The following PDZD8 variants were observed in gnomAD, a reference collection of about 807,000 sequenced individuals.
PDZD8 encodes the protein PDZ domain-containing protein 8.
A neutral mutation model predicts 85.8 loss-of-function variants in PDZD8; 14 were observed. The observed-to-expected ratio is 0.16, with a 90% CI of 0.11 to 0.26. The LOEUF (loss-of-function observed/expected upper bound fraction) is 0.26, where lower values mean the gene tolerates loss of function less well. Ranked by LOEUF, PDZD8 falls within the 10% of genes least tolerant of loss-of-function variation. PDZD8 has a pLI of 1.00. For missense variants in PDZD8, 1,197 were observed against 1,424.3 expected, an observed-to-expected ratio of 0.84 and a Z score of 2.57; for synonymous variants, 592 against 568.6, an observed-to-expected ratio of 1.04 and a Z score of -0.59.
intron 3 of PDZD8, among the ~76,000 whole-genome samples, chr10:117,290,864 C>CTTTTTTTTTTTTT (rs145614241): frequency 8.1e-6 from 1 of 123,566 alleles, no homozygotes; most frequent in Non-Finnish European, 1.6e-5. Context: ...ATGGTGTATC[C>CTTTTTTTTTTTTT]TTTTTTTTTT....
chr10:117,354,013 A>T (rs1844850996), intron 1 of PDZD8, among the ~76,000 whole-genome samples: 1 of 152,086 alleles, frequency 6.6e-6, no homozygotes, highest in Non-Finnish European at 1.5e-5. Flanking sequence ...GCTTTCTCTT[A>T]CTGGCACCAC....
chr10:117,294,276 A>G (rs984204227), intron 3 of PDZD8, among the ~76,000 whole-genome samples: 3 of 151,986 alleles, frequency 2.0e-5, no homozygotes, highest in African/African-American at 7.3e-5. Flanking sequence ...ACTGATCAAG[A>G]AACAAGAGAG....
chr10:117,363,812 T>C (rs1197923917), intron 1 of PDZD8, among the ~76,000 whole-genome samples: 1 of 152,168 alleles, frequency 6.6e-6, no homozygotes, highest in Non-Finnish European at 1.5e-5. Context: ...CCATTCTCCC[T>C]ACAATACATG....
At chr10:117,362,237 T>G (rs1723591797) in intron 1 of PDZD8, among the ~76,000 whole-genome samples, 1 of 152,170 alleles carries the variant, frequency 6.6e-6, no homozygotes, top group Non-Finnish European at 1.5e-5. Context: ...TATCCTTATT[T>G]GAGAGAAATC....
chr10:117,291,420 T>G (rs1280641954), intron 3 of PDZD8, among the ~76,000 whole-genome samples: 2 of 151,258 alleles, frequency 1.3e-5, no homozygotes, highest in Non-Finnish European at 2.9e-5. Context: ...TCCCAGCTAC[T>G]CGGGAGCCTG....
intron 2 of PDZD8, among the ~76,000 whole-genome samples, chr10:117,339,030 C>T (rs1247540731): frequency 6.7e-6 from 1 of 148,606 alleles, no homozygotes; most frequent in African/African-American, 2.5e-5. Context: ...AAATAGACAA[C>T]ATATTTAGTC....
chr10:117,283,587 T>C lies in PDZD8; in HGVS notation c.3146A>G (p.Gln1049Arg). ...AAGGGAATTATTGTGTTCCAACTCCTGATCAATTTCATTCTGTAGCTTATC... is the reference window on the plus strand; with the variant it reads ...AAGGGAATTATTGTGTTCCAACTCCCGATCAATTTCATTCTGTAGCTTATC... ...MLDKLQNEID[Q>R]ELEHNNSLVR... The change falls in exon 5 of 5, where the codon CAG (glutamine) becomes CGG (arginine). Residue 1049 changes from glutamine (Q) to arginine (R), a missense_variant. Around this residue, in one of 4 missense-constraint regions of PDZD8, gnomAD observed 418 missense variants for 571.1 expected, o/e 0.73. Transcript: ENST00000334464. 4.3e-6 allele frequency: 7 copies of C among 1,614,202 alleles called. No individual in the cohort carries two copies. The highest frequency in any genetic ancestry group is 5.1e-6 in the Non-Finnish European group (6 of 1,180,028).
intron 1 of PDZD8, among the ~76,000 whole-genome samples, chr10:117,368,359 T>C (rs1388832933): frequency 6.6e-6 from 1 of 152,216 alleles, no homozygotes; most frequent in Non-Finnish European, 1.5e-5. Context: ...GCTAGAGTAA[T>C]GCACAATGCC....
chr10:117,355,791 C>A (rs980669446), intron 1 of PDZD8, among the ~76,000 whole-genome samples: 2 of 152,092 alleles, frequency 1.3e-5, no homozygotes, highest in African/African-American at 4.8e-5. Flanking sequence ...ACTTAGTATA[C>A]CTCCACTGAA....
intron 3 of PDZD8, among the ~76,000 whole-genome samples, chr10:117,304,586 ATTC>A (rs1304618611): frequency 6.6e-6 from 1 of 152,120 alleles, no homozygotes; most frequent in Non-Finnish European, 1.5e-5. Flanking sequence ...CCTCCACCCA[ATTC>A]TCATCTTGAA....
intron 1 of PDZD8, among the ~76,000 whole-genome samples, chr10:117,354,988 G>A (rs1038496812): frequency 1.3e-5 from 2 of 152,118 alleles, no homozygotes; most frequent in Non-Finnish European, 2.9e-5. Context: ...ACTATGGCAC[G>A]CTAATACAAA....
chr10:117,335,892 T>C (rs956495780), intron 2 of PDZD8, among the ~76,000 whole-genome samples: 5 of 152,210 alleles, frequency 3.3e-5, no homozygotes, highest in Non-Finnish European at 7.3e-5. Flanking sequence ...AGTGCCGATG[T>C]TGTTGAGAGC....
intron 1 of PDZD8, among the ~76,000 whole-genome samples, chr10:117,342,393 T>TACACACACACACACACACACACACACAC (rs59113065): frequency 1.4e-5 from 2 of 145,578 alleles, no homozygotes; most frequent in Non-Finnish European, 3.0e-5. Flanking sequence ...CACAAACAGA[T>TACACACACACACACACACACACACACAC]ACACACACAC....
chr10:117,348,279 T>C (rs942083793), intron 1 of PDZD8, among the ~76,000 whole-genome samples: 1 of 152,202 alleles, frequency 6.6e-6, no homozygotes, highest in East Asian at 1.9e-4. Context: ...TTTTAATGCT[T>C]ATGAAAAACA....
At chr10:117,357,256 G>A (rs1268432623) in intron 1 of PDZD8, among the ~76,000 whole-genome samples, 3 of 151,996 alleles carry the variant, frequency 2.0e-5, no homozygotes, top group Admixed American at 6.6e-5. Context: ...TTAGACAGGC[G>A]TGGTGGCATG....
At chr10:117,297,379 A>G (rs1013908152) in intron 3 of PDZD8, among the ~76,000 whole-genome samples, 7 of 152,172 alleles carry the variant, frequency 4.6e-5, no homozygotes, top group African/African-American at 1.7e-4. Context: ...TACACTCACC[A>G]TAGGACCCAG....
chr10:117,290,102 G>A, intron 4 of PDZD8, 84 bp downstream of exon 4: 1 of 1,217,190 alleles, frequency 8.2e-7, no homozygotes, highest in Non-Finnish European at 1.1e-6. Flanking sequence ...ATAGAAATAA[G>A]GAAAAAGGAA....
At chr10:117,333,127 A>ACAAAAAAAAC (rs1248046845) in intron 2 of PDZD8, among the ~76,000 whole-genome samples, 1 of 27,926 alleles carries the variant, frequency 3.6e-5, no homozygotes. Context: ...CAAAAAAAAA[A>ACAAAAAAAAC]AAAAAAAAAA....
intron 1 of PDZD8, among the ~76,000 whole-genome samples, chr10:117,367,132 G>T (rs543200437): frequency 1.3e-5 from 2 of 152,038 alleles, no homozygotes; most frequent in Admixed American, 6.6e-5. Context: ...ATAGCCTCCC[G>T]GCAGGGTGTG....
Sources: allele counts gnomAD v4.1 joint callset (sites outside exome capture counted in the v4.1 genomes callset), GRCh38; gene constraint gnomAD v4.1.1; regional missense constraint gnomAD v4.1.1; transcripts MANE v1.5; gene names NCBI Gene and HGNC (gene_info 2026-07-23, HGNC 2026-07-21).